Variants in RTP2 observed in about 807,000 individuals in gnomAD.
RTP2 encodes the protein receptor-transporting protein 2.
In RTP2, 12 loss-of-function variants were observed where a neutral mutation model predicts 17.9. The ratio of observed to expected loss-of-function variants is 0.67; its 90% CI spans 0.43 to 1.09. The LOEUF (loss-of-function observed/expected upper bound fraction) is 1.09, where lower values mean the gene tolerates loss of function less well. RTP2 is among the 50% of genes least tolerant of loss of function. RTP2 has a pLI of 0.00. For synonymous variants in RTP2, 126 were observed against 117.7 expected (o/e 1.07, Z -0.46); for missense variants, 327 against 295.7 (o/e 1.11, Z -0.78).
the RTP2 span, among the ~76,000 whole-genome samples, chr3:187,714,413 G>T: frequency 6.6e-6 from 1 of 152,220 alleles, no homozygotes; most frequent in East Asian, 1.9e-4. Context: ...GAGCCCCTCA[G>T]TCAGTTCTGT....
rs913708232 is a variant in RTP2 at position 187,701,953 on chromosome 3, T to C, written c.164+12A>G. 7.0e-6 allele frequency: 11 copies of C among 1,576,964 alleles called. No homozygotes were observed. The highest frequency in any genetic ancestry group is 1.4e-5 in the African/African-American group (1 of 74,028). On this transcript the variant is annotated intron_variant, in intron 1 of 1. Transcript: ENST00000358241. ...GGCTGTCTGCAAGGTCCCTCCCCAC[T>C]GAACCTCTCACCTGCCTGAGGCGTG... is the stretch of plus-strand genomic sequence containing the variant.
chr3:187,704,474 T>G (rs567198329), upstream of RTP2, among the ~76,000 whole-genome samples: 1 of 152,282 alleles, frequency 6.6e-6, no homozygotes, highest in South Asian at 2.1e-4. Flanking sequence ...CTCCACCTAC[T>G]CCAGTCCTGG....
At chr3:187,713,080 C>T in the RTP2 span, among the ~76,000 whole-genome samples, 2 of 152,112 alleles carry the variant, frequency 1.3e-5, no homozygotes, top group South Asian at 4.2e-4. Flanking sequence ...ATCAGGAGAC[C>T]AGTGCTTAAG....
intron 1 of RTP2, among the ~76,000 whole-genome samples, chr3:187,699,778 CACACAT>C (rs1553830581): frequency 0.34 from 11,788 of 35,004 alleles, 682 homozygotes; most frequent in Middle Eastern, 0.4. Context: ...CACACACACA[CACACAT>C]ATATTTTCTC....
upstream of RTP2, among the ~76,000 whole-genome samples, chr3:187,703,909 T>C (rs554626120): frequency 3.3e-5 from 5 of 152,284 alleles, no homozygotes; most frequent in South Asian, 1.0e-3. Flanking sequence ...TAATTTAGCA[T>C]AGCAGCTTCT....
rs111419527 is a variant in RTP2 at position 187,702,051 on chromosome 3, G to A, written c.78C>T (p.Ser26=). 63 of 1,613,626 alleles carry A rather than the reference G, an allele frequency of 3.9e-5. No homozygotes were observed. The African/African-American group carries it at 6.8e-4, about 17-fold the overall frequency. The change falls in exon 1 of 2, where the codon AGC becomes AGT. Residue 26 remains serine, a synonymous_variant. Transcript: ENST00000358241. ...GGTTGGGGTCTATGATGAGCTCCCA[G>A]CTGTCCGCTGGCTTTGCCACCTCCA...
chr3:187,711,455 T>A, the RTP2 span, among the ~76,000 whole-genome samples: 171 of 152,346 alleles, frequency 1.1e-3, no homozygotes, highest in Admixed American at 1.9e-3. Context: ...AGGAATTTTT[T>A]AAAAATATAT....
At chr3:187,699,717 C>A (rs1424952326) in intron 1 of RTP2, among the ~76,000 whole-genome samples, 1 of 147,110 alleles carries the variant, frequency 6.8e-6, no homozygotes, top group African/African-American at 2.5e-5. Context: ...GGTATTCATT[C>A]CCATTGCCAC....
exon 2 of RTP2, chr3:187,698,493 C>T (rs758114853): frequency 6.3e-6 from 10 of 1,597,660 alleles, no homozygotes; most frequent in African/African-American, 2.7e-5. Flanking sequence ...CCTTAACCAG[C>T]TCCACTAAAA....
At chr3:187,711,895 T>C in the RTP2 span, among the ~76,000 whole-genome samples, 31 of 152,366 alleles carry the variant, frequency 2.0e-4, no homozygotes, top group South Asian at 6.2e-4. Flanking sequence ...ATTATTTTTC[T>C]ACTTATATAT....
At chr3:187,714,543 G>GA in the RTP2 span, among the ~76,000 whole-genome samples, 2 of 152,242 alleles carry the variant, frequency 1.3e-5, no homozygotes, top group African/African-American at 4.8e-5. Flanking sequence ...CCTGGAGCCA[G>GA]AAAAAGTGGC....
the RTP2 span, chr3:187,715,667 C>T: frequency 2.2e-6 from 1 of 456,890 alleles, no homozygotes; most frequent in East Asian, 6.9e-5. Flanking sequence ...AAGTCAGAAT[C>T]ATCTGGAGAG....
chr3:187,698,948 C>T, exon 2 of RTP2: 4 of 1,607,182 alleles, frequency 2.5e-6, no homozygotes, highest in Non-Finnish European at 3.4e-6. Flanking sequence ...GGTCCAGGAA[C>T]ATGTGGAAGA....
chr3:187,711,346 T>C, the RTP2 span, among the ~76,000 whole-genome samples: 3 of 152,188 alleles, frequency 2.0e-5, no homozygotes, highest in African/African-American at 7.2e-5. Flanking sequence ...CTTGAAGAAA[T>C]CAACACCTGC....
At chr3:187,706,822 C>T (rs1199670240), upstream of RTP2, among the ~76,000 whole-genome samples, 4 of 152,064 alleles carry the variant, frequency 2.6e-5, no homozygotes, top group East Asian at 1.9e-4. Context: ...AGGCTGGTCT[C>T]GAACTCCTGA....
chr3:187,698,730 G>A (rs759215302), exon 2 of RTP2: 40 of 1,613,918 alleles, frequency 2.5e-5, no homozygotes, highest in Admixed American at 1.2e-4. Flanking sequence ...TGCACGATGC[G>A]GCCCGCTGTC....
chr3:187,708,548 G>C, the RTP2 span, among the ~76,000 whole-genome samples: 2 of 152,206 alleles, frequency 1.3e-5, no homozygotes, highest in African/African-American at 4.8e-5. Context: ...CAGAGAATTT[G>C]TATGATGCAA....
exon 2 of RTP2, chr3:187,698,879 G>C (rs138113784): frequency 2.5e-6 from 4 of 1,612,398 alleles, no homozygotes; most frequent in Admixed American, 1.7e-5. Flanking sequence ...GCGCCGTGCC[G>C]CACTCATAGC....
the RTP2 span, among the ~76,000 whole-genome samples, chr3:187,710,195 T>G: frequency 6.6e-6 from 1 of 152,070 alleles, no homozygotes; most frequent in Non-Finnish European, 1.5e-5. Flanking sequence ...CCTCAACTCC[T>G]GATTCTCAGG....
Sources: gnomAD v4.1 joint callset for allele counts (sites outside exome capture counted in the v4.1 genomes callset) on GRCh38, gnomAD v4.1.1 for gene constraint, MANE v1.5 for transcripts, NCBI Gene and HGNC (gene_info 2026-07-23, HGNC 2026-07-21) for gene names.